The following LYPD6 variants were observed in gnomAD, a reference collection of about 807,000 sequenced individuals.
The protein encoded by LYPD6 is ly6/PLAUR domain-containing protein 6.
A neutral mutation model predicts 22.7 loss-of-function variants in LYPD6; 15 were observed. That is an observed-to-expected ratio of 0.66 (90% CI 0.44 to 1.02). The LOEUF is 1.02. LYPD6 is among the 50% of genes least tolerant of loss of function. The pLI is 0.00. For synonymous variants in LYPD6, 72 were observed against 77.5 expected (o/e 0.93, Z 0.37); for missense variants, 189 against 208.4 (o/e 0.91, Z 0.57).
At chr2:149,443,526 A>T (rs1028809918) in intron 2 of LYPD6, among the ~76,000 whole-genome samples, 3 of 152,176 alleles carry the variant, frequency 2.0e-5, no homozygotes, top group African/African-American at 7.2e-5. Context: ...TACTTTGATC[A>T]TTCCACTTCA....
intron 3 of LYPD6, among the ~76,000 whole-genome samples, chr2:149,468,085 C>CA (rs1681242372): frequency 6.7e-6 from 1 of 150,022 alleles, no homozygotes; most frequent in Admixed American, 6.7e-5. Context: ...TGCTCATTGG[C>CA]ACAAAGTTTT....
At chr2:149,422,756 A>G (rs748852368) in intron 1 of LYPD6, among the ~76,000 whole-genome samples, 44 of 151,932 alleles carry the variant, frequency 2.9e-4, no homozygotes, top group Non-Finnish European at 1.0e-4. Flanking sequence ...TCTCCCATCT[A>G]TCTGTCTTCC....
chr2:149,383,566 A>G (rs1682115950), intron 1 of LYPD6, among the ~76,000 whole-genome samples: 1 of 152,204 alleles, frequency 6.6e-6, no homozygotes, highest in Non-Finnish European at 1.5e-5. Context: ...ACTAAAGGAA[A>G]CAGTACTTGG....
At chr2:149,351,286 C>G (rs1410023654) in intron 1 of LYPD6, among the ~76,000 whole-genome samples, 1 of 149,114 alleles carries the variant, frequency 6.7e-6, no homozygotes, top group South Asian at 2.2e-4. Context: ...CCCAGCTACT[C>G]GGGAGGCTGA....
chr2:149,374,777 A>G (rs1319363152), intron 1 of LYPD6, among the ~76,000 whole-genome samples: 1 of 152,252 alleles, frequency 6.6e-6, no homozygotes, highest in Non-Finnish European at 1.5e-5. Context: ...TACATGGTTA[A>G]TATTTTCAGG....
intron 1 of LYPD6, among the ~76,000 whole-genome samples, chr2:149,427,270 C>T (rs570221653): frequency 2.4e-4 from 36 of 152,202 alleles, no homozygotes; most frequent in African/African-American, 8.4e-4. Context: ...TTTACACTTC[C>T]GCATTTTTGG....
intron 3 of LYPD6, among the ~76,000 whole-genome samples, chr2:149,460,701 A>G (rs772940192): frequency 2.0e-5 from 3 of 152,154 alleles, no homozygotes; most frequent in East Asian, 1.9e-4. Flanking sequence ...TCAAGTGACC[A>G]TGGAACACAT....
intron 1 of LYPD6, among the ~76,000 whole-genome samples, chr2:149,433,670 C>T (rs911264341): frequency 6.6e-6 from 1 of 152,150 alleles, no homozygotes; most frequent in African/African-American, 2.4e-5. Context: ...TAGTTTTATG[C>T]TGTGAGCCTG....
intron 3 of LYPD6, among the ~76,000 whole-genome samples, chr2:149,457,657 A>C (rs1269365365): frequency 1.3e-5 from 2 of 152,216 alleles, no homozygotes. Context: ...TTCACAGAGC[A>C]GTCTGCCCAA....
At chr2:149,461,757 A>G (rs1318864648) in intron 3 of LYPD6, among the ~76,000 whole-genome samples, 1 of 152,032 alleles carries the variant, frequency 6.6e-6, no homozygotes, top group Non-Finnish European at 1.5e-5. Flanking sequence ...ATCTCTGAAA[A>G]TCAACCAATA....
intron 1 of LYPD6, among the ~76,000 whole-genome samples, chr2:149,354,773 A>G (rs75098465): frequency 6.6e-6 from 1 of 152,306 alleles, no homozygotes; most frequent in Non-Finnish European, 1.5e-5. Flanking sequence ...TCAAGCTTGA[A>G]TAGAAGTTCA....
chr2:149,435,397 A>AT (rs534301128), intron 1 of LYPD6, among the ~76,000 whole-genome samples: 93 of 152,268 alleles, frequency 6.1e-4, no homozygotes, highest in Non-Finnish European at 1.0e-3. Flanking sequence ...TGTTCATTCC[A>AT]TTTTGATCTC....
intron 2 of LYPD6, chr2:149,440,390 G>A (rs963999540): frequency 1.8e-5 from 3 of 166,890 alleles, no homozygotes; most frequent in African/African-American, 4.8e-5. Flanking sequence ...AAGATATCCC[G>A]GAAGAAACTG....
chr2:149,388,115 A>G (rs954628978), intron 1 of LYPD6, among the ~76,000 whole-genome samples: 2 of 152,144 alleles, frequency 1.3e-5, no homozygotes, highest in Admixed American at 6.5e-5. Context: ...TGTCTTCTAA[A>G]TAGTAACCTA....
intron 1 of LYPD6, among the ~76,000 whole-genome samples, chr2:149,382,394 T>C (rs1298325862): frequency 2.0e-5 from 3 of 152,156 alleles, no homozygotes; most frequent in Non-Finnish European, 2.9e-5. Flanking sequence ...TAGGTGGAAA[T>C]ATTTTCCTAT....
chr2:149,433,785 A>G (rs184598962), intron 1 of LYPD6, among the ~76,000 whole-genome samples: 1 of 152,246 alleles, frequency 6.6e-6, no homozygotes, highest in African/African-American at 2.4e-5. Context: ...CAGCAGCCCT[A>G]TGGCATTTTC....
intron 1 of LYPD6, among the ~76,000 whole-genome samples, chr2:149,395,811 T>G (rs1416757446): frequency 6.6e-6 from 1 of 152,188 alleles, no homozygotes; most frequent in Non-Finnish European, 1.5e-5. Flanking sequence ...TACTTGAAGT[T>G]TTATTAGAAA....
chr2:149,356,671 A>G (rs1196700), intron 1 of LYPD6, among the ~76,000 whole-genome samples: 73,392 of 151,930 alleles, frequency 0.48, 19,008 homozygotes, highest in East Asian at 0.9. Flanking sequence ...TTTGGCATGC[A>G]GGAGGAAGTG....
intron 1 of LYPD6, among the ~76,000 whole-genome samples, chr2:149,335,627 C>T (rs1321703923): frequency 6.6e-6 from 1 of 152,098 alleles, no homozygotes; most frequent in Non-Finnish European, 1.5e-5. Context: ...CAGTAACGTC[C>T]TCAGCCTTCA....
Sources: gnomAD v4.1 joint callset for allele counts (sites outside exome capture counted in the v4.1 genomes callset) on GRCh38, gnomAD v4.1.1 for gene constraint, MANE v1.5 for transcripts, NCBI Gene and HGNC (gene_info 2026-07-23, HGNC 2026-07-21) for gene names.